IL1RN: variants seen among roughly 807,000 people sequenced by gnomAD.
The protein encoded by IL1RN is interleukin-1 receptor antagonist protein.
Under a neutral mutation model 13.7 loss-of-function variants are expected in IL1RN, and 10 were observed. The observed-to-expected ratio is 0.73, with a 90% CI of 0.45 to 1.24. IL1RN has a LOEUF of 1.24. Ranked by LOEUF, IL1RN falls within the 50% of genes most tolerant of loss-of-function variation. The probability of loss-of-function intolerance (pLI) is 0.00; values close to 1 mark genes in which losing one functional copy is unlikely to be tolerated. For missense variants in IL1RN, 213 were observed against 222.1 expected, an observed-to-expected ratio of 0.96 and a Z score of 0.26; for synonymous variants, 102 against 82.7, an observed-to-expected ratio of 1.23 and a Z score of -1.27.
At chr2:113,124,199 T>C (rs1686878716), upstream of IL1RN, among the ~76,000 whole-genome samples, 1 of 152,024 alleles carries the variant, frequency 6.6e-6, no homozygotes, top group African/African-American at 2.4e-5. Flanking sequence ...GAAGGCATTG[T>C]CTTTTATGTG....
upstream of IL1RN, among the ~76,000 whole-genome samples, chr2:113,108,833 G>A (rs980975904): frequency 1.3e-5 from 2 of 152,122 alleles, no homozygotes; most frequent in South Asian, 4.1e-4. Flanking sequence ...AAAATGTTAA[G>A]ACAAATTAAA....
At chr2:113,109,891 C>G (rs529828042), upstream of IL1RN, among the ~76,000 whole-genome samples, 10 of 152,248 alleles carry the variant, frequency 6.6e-5, no homozygotes, top group South Asian at 2.1e-4. Flanking sequence ...CTGTCTTCAT[C>G]CCCATTTTAC....
intron 1 of IL1RN, among the ~76,000 whole-genome samples, chr2:113,128,760 A>T (rs935625265): frequency 2.0e-5 from 3 of 152,164 alleles, no homozygotes; most frequent in African/African-American, 7.2e-5. Flanking sequence ...AGTTAGCCAC[A>T]CTTCACAGGT....
chr2:113,115,474 T>G (rs1686574422), upstream of IL1RN: 3 of 152,264 alleles, frequency 2.0e-5, no homozygotes, highest in South Asian at 6.2e-4. Flanking sequence ...CCTTCTACCC[T>G]TCCCCTACCT....
upstream of IL1RN, among the ~76,000 whole-genome samples, chr2:113,110,507 C>T (rs1686477511): frequency 6.6e-6 from 1 of 152,142 alleles, no homozygotes; most frequent in Non-Finnish European, 1.5e-5. Context: ...TGGGTAGAAA[C>T]AGATTTCAAT....
chr2:113,128,531 T>G (rs1687047139), intron 1 of IL1RN, among the ~76,000 whole-genome samples: 1 of 151,952 alleles, frequency 6.6e-6, no homozygotes, highest in Non-Finnish European at 1.5e-5. Context: ...ACTGTCTGCT[T>G]CCCTAGGTTG....
At chr2:113,101,269 G>A in the IL1RN span, among the ~76,000 whole-genome samples, 1 of 152,178 alleles carries the variant, frequency 6.6e-6, no homozygotes, top group Non-Finnish European at 1.5e-5. Context: ...AGGAGTAGGG[G>A]TTAGGGTAGC....
Position 113,132,757 on chromosome 2 carries a change from C to T in IL1RN, c.420C>T (p.Ala140=). Residue 140 remains alanine, a synonymous_variant, in exon 4 of 4, where the codon GCC becomes GCT. Coordinates refer to ENST00000409930, the MANE Select transcript of IL1RN (RefSeq NM_173842.3). ...SGPTTSFESA[A]CPGWFLCTAM... ...CCACCACCAGTTTTGAGTCTGCCGC[C>T]TGCCCCGGTTGGTTCCTCTGCACAG... 6.2e-7 allele frequency: 1 copy of T among 1,614,292 alleles called. No individual in the cohort carries two copies. The highest frequency in any genetic ancestry group is 8.5e-7 in the Non-Finnish European group (1 of 1,180,052).
At chr2:113,103,030 C>T (rs1686338415), upstream of IL1RN, among the ~76,000 whole-genome samples, 1 of 152,230 alleles carries the variant, frequency 6.6e-6, no homozygotes, top group Non-Finnish European at 1.5e-5. Flanking sequence ...CCACGGCAGA[C>T]ATGACTACTT....
At chr2:113,114,758 C>T (rs1686562290), upstream of IL1RN, among the ~76,000 whole-genome samples, 1 of 151,984 alleles carries the variant, frequency 6.6e-6, no homozygotes, top group Admixed American at 6.6e-5. Flanking sequence ...GGGCTATGAG[C>T]TGGAGATATA....
chr2:113,124,918 C>T (rs866030465), upstream of IL1RN, among the ~76,000 whole-genome samples: 1 of 152,192 alleles, frequency 6.6e-6, no homozygotes, highest in Middle Eastern at 3.4e-3. Context: ...CCAGGAGCCC[C>T]GAGCGTCTTT....
At chr2:113,112,607 C>T (rs1054271648) in intron 1 of IL1RN, among the ~76,000 whole-genome samples, 18 of 152,182 alleles carry the variant, frequency 1.2e-4, no homozygotes, top group African/African-American at 4.3e-4. Context: ...CTGAATTCCC[C>T]GCCCACGCTT....
At chr2:113,107,931 A>G (rs974121038), upstream of IL1RN, among the ~76,000 whole-genome samples, 2 of 152,214 alleles carry the variant, frequency 1.3e-5, no homozygotes, top group African/African-American at 4.8e-5. Flanking sequence ...AGGATGTTTC[A>G]AAAGGAAGAA....
the IL1RN span, among the ~76,000 whole-genome samples, chr2:113,101,802 T>C: frequency 1.3e-5 from 2 of 152,152 alleles, no homozygotes; most frequent in Non-Finnish European, 2.9e-5. Context: ...AGTTTCTCTC[T>C]TGTTACCCAG....
Position 113,132,749 on chromosome 2 carries a change from T to G in IL1RN, c.412T>G (p.Ser138Ala), listed in dbSNP as rs1171229174. ...CAGTGGCCCCACCACCAGTTTTGAG[T>G]CTGCCGCCTGCCCCGGTTGGTTCCT... ...SDSGPTTSFE[S>A]AACPGWFLCT... The change falls in exon 4 of 4, where the codon TCT becomes GCT. Residue 138 changes from serine to alanine, a missense_variant. By Grantham distance (99) the Ser-to-Ala change is moderately conservative (BLOSUM62 1). Transcript: ENST00000409930. 1 of 1,614,228 alleles carries G rather than the reference T, an allele frequency of 6.2e-7. No individual in the cohort carries two copies. Among genetic ancestry groups the G allele is most frequent in the Admixed American group, 1.7e-5 (1 of 60,034 alleles).
intron 1 of IL1RN, among the ~76,000 whole-genome samples, chr2:113,119,455 G>T (rs534110071): frequency 6.6e-6 from 1 of 152,338 alleles, no homozygotes; most frequent in African/African-American, 2.4e-5. Context: ...GGGGCACAGA[G>T]ACTTAATGAA....
intron 1 of IL1RN, among the ~76,000 whole-genome samples, chr2:113,119,735 A>C (rs1686702270): frequency 6.6e-6 from 1 of 152,238 alleles, no homozygotes; most frequent in Admixed American, 6.5e-5. Flanking sequence ...TGCTAAATAA[A>C]TGTGTGTTAA....
upstream of IL1RN, among the ~76,000 whole-genome samples, chr2:113,104,646 A>G (rs186695328): frequency 9.6e-4 from 146 of 152,346 alleles, no homozygotes; most frequent in African/African-American, 3.1e-3. Context: ...GTGCTGAGCA[A>G]GTAGTCAAAG....
chr2:113,101,948 G>A, the IL1RN span, among the ~76,000 whole-genome samples: 1 of 152,050 alleles, frequency 6.6e-6, no homozygotes, highest in Admixed American at 6.5e-5. Context: ...TGTATTTTTA[G>A]TAGAGACAGG....
Sources: allele counts gnomAD v4.1 joint callset (sites outside exome capture counted in the v4.1 genomes callset), GRCh38; gene constraint gnomAD v4.1.1; transcripts MANE v1.5; gene names NCBI Gene and HGNC (gene_info 2026-07-23, HGNC 2026-07-21).